Variants in CA10 observed in about 807,000 individuals in gnomAD.
CA10 encodes the protein carbonic anhydrase 10 (inactive).
Under a neutral mutation model 44.2 loss-of-function variants are expected in CA10, and 14 were observed. The ratio of observed to expected loss-of-function variants is 0.32; its 90% CI spans 0.21 to 0.50. CA10 has a LOEUF of 0.50. Ranked by LOEUF, CA10 falls within the 20% of genes least tolerant of loss-of-function variation. CA10 has a pLI of 0.99. For synonymous variants in CA10, 159 were observed against 141.6 expected, an observed-to-expected ratio of 1.12 and a Z score of -0.87; for missense variants, 350 against 409.7, an observed-to-expected ratio of 0.85 and a Z score of 1.26.
intron 5 of CA10, among the ~76,000 whole-genome samples, chr17:51,652,286 T>C (rs1305699826): frequency 2.0e-5 from 3 of 152,186 alleles, no homozygotes; most frequent in Non-Finnish European, 4.4e-5. Flanking sequence ...AACAACAAAA[T>C]AGATGTAAAA....
intron 4 of CA10, among the ~76,000 whole-genome samples, chr17:51,658,788 G>A (rs1054308178): frequency 6.6e-6 from 1 of 152,160 alleles, no homozygotes; most frequent in Non-Finnish European, 1.5e-5. Flanking sequence ...GGCAAAGTGG[G>A]GACTGAGGAA....
intron 3 of CA10, among the ~76,000 whole-genome samples, chr17:51,874,395 A>C (rs1404442576): frequency 3.3e-5 from 5 of 151,738 alleles, no homozygotes; most frequent in African/African-American, 9.7e-5. Flanking sequence ...TATTAAAAAA[A>C]AAAAAAAAAA....
intron 6 of CA10, among the ~76,000 whole-genome samples, chr17:51,643,017 CT>C (rs1156839812): frequency 6.6e-6 from 1 of 152,154 alleles, no homozygotes. Flanking sequence ...GCATGCGACA[CT>C]GAAGGAGAAT....
chr17:51,996,429 T>C (rs1376169690), intron 2 of CA10, among the ~76,000 whole-genome samples: 1 of 152,040 alleles, frequency 6.6e-6, no homozygotes, highest in Non-Finnish European at 1.5e-5. Flanking sequence ...CCTTAAATTA[T>C]TATTATTTTT....
At chr17:51,684,261 T>G (rs147471682) in intron 4 of CA10, among the ~76,000 whole-genome samples, 70 of 152,320 alleles carry the variant, frequency 4.6e-4, no homozygotes, top group Admixed American at 7.8e-4. Flanking sequence ...CCAGAAAGAA[T>G]GAAGCCCTAC....
At chr17:51,774,474 C>G (rs1157242081) in intron 3 of CA10, among the ~76,000 whole-genome samples, 1 of 150,898 alleles carries the variant, frequency 6.6e-6, no homozygotes, top group Admixed American at 6.6e-5. Context: ...GAGTCTCGCT[C>G]TGTTGCCCAA....
At chr17:51,942,414 G>T (rs1050589489) in intron 2 of CA10, among the ~76,000 whole-genome samples, 1 of 151,812 alleles carries the variant, frequency 6.6e-6, no homozygotes, top group Admixed American at 6.6e-5. Context: ...TTTTATCGAG[G>T]TGCTAGATTT....
At chr17:51,746,369 C>G (rs1294647656) in intron 4 of CA10, among the ~76,000 whole-genome samples, 1 of 152,140 alleles carries the variant, frequency 6.6e-6, no homozygotes, top group Non-Finnish European at 1.5e-5. Context: ...TTAGAAGGCT[C>G]AAGTAACATC....
intron 1 of CA10, among the ~76,000 whole-genome samples, chr17:52,072,718 A>ACACAC (rs2143139708): frequency 1.2e-5 from 1 of 85,914 alleles, no homozygotes; most frequent in South Asian, 4.4e-4. Flanking sequence ...CACACACACA[A>ACACAC]CACACACACA....
intron 2 of CA10, among the ~76,000 whole-genome samples, chr17:51,998,030 G>A (rs1985296423): frequency 6.6e-6 from 1 of 152,080 alleles, no homozygotes. Context: ...TGGCAAACTG[G>A]AAAGCAGCAT....
intron 3 of CA10, among the ~76,000 whole-genome samples, chr17:51,898,871 A>C (rs956659954): frequency 2.0e-5 from 3 of 151,092 alleles, no homozygotes; most frequent in Non-Finnish European, 4.4e-5. Flanking sequence ...GGTTTTTTTT[A>C]ATATTTCTGT....
At chr17:51,675,269 C>T (rs1914579899) in intron 4 of CA10, among the ~76,000 whole-genome samples, 1 of 152,098 alleles carries the variant, frequency 6.6e-6, no homozygotes, top group Non-Finnish European at 1.5e-5. Context: ...TTTAAAATTC[C>T]CAGTTCTCAG....
chr17:51,684,868 A>T (rs2143402706), intron 4 of CA10, among the ~76,000 whole-genome samples: 1 of 152,300 alleles, frequency 6.6e-6, no homozygotes, highest in Admixed American at 6.5e-5. Context: ...AAAATAATGA[A>T]ATCAAATGCC....
Position 51,697,372 on chromosome 17 carries a change from G to A in CA10, c.466-43636C>T, listed in dbSNP as rs138366971. Among the ~76,000 whole-genome samples the A allele has an allele frequency of 4.6e-5, 7 of 152,304 alleles. No homozygotes were observed. The East Asian group carries it at 9.6e-4, about 21-fold the overall frequency. ...GTCATTCCTCAAATTCACTGGGCAAGTGCCTGCCTCAGGGCCTTTGTACCA... is the reference window on the plus strand; with the variant it reads ...GTCATTCCTCAAATTCACTGGGCAAATGCCTGCCTCAGGGCCTTTGTACCA... On this transcript the variant is annotated intron_variant, in intron 4 of 8. Coordinates refer to ENST00000451037, the MANE Select transcript of CA10 (RefSeq NM_020178.5).
chr17:52,130,671 C>G (rs1989218687), intron 1 of CA10, among the ~76,000 whole-genome samples: 1 of 152,030 alleles, frequency 6.6e-6, no homozygotes. Flanking sequence ...AGATGGCGGT[C>G]AAAGGATATA....
intron 4 of CA10, among the ~76,000 whole-genome samples, chr17:51,681,694 T>C (rs1914853683): frequency 6.6e-6 from 1 of 152,238 alleles, no homozygotes; most frequent in Non-Finnish European, 1.5e-5. Flanking sequence ...TATCTTTTTA[T>C]ACAAATGTAA....
chr17:51,935,995 T>G (rs1411998938), intron 2 of CA10, among the ~76,000 whole-genome samples: 1 of 152,186 alleles, frequency 6.6e-6, no homozygotes, highest in East Asian at 1.9e-4. Flanking sequence ...TCATTTGTCC[T>G]AAGCCAGCAG....
intron 2 of CA10, among the ~76,000 whole-genome samples, chr17:51,990,493 A>G (rs908617464): frequency 2.0e-5 from 3 of 152,144 alleles, no homozygotes; most frequent in African/African-American, 7.2e-5. Context: ...AAGTTTTGCT[A>G]ATCAGTGAAA....
At chr17:51,827,289 C>T (rs1417989624) in intron 3 of CA10, among the ~76,000 whole-genome samples, 1 of 152,048 alleles carries the variant, frequency 6.6e-6, no homozygotes, top group Non-Finnish European at 1.5e-5. Flanking sequence ...CAGAGCATTT[C>T]ATTTGCTTTT....
Sources: allele counts gnomAD v4.1 joint callset (sites outside exome capture counted in the v4.1 genomes callset), GRCh38; gene constraint gnomAD v4.1.1; transcripts MANE v1.5; gene names NCBI Gene and HGNC (gene_info 2026-07-23, HGNC 2026-07-21).